Variants in LIMCH1 observed in about 807,000 individuals in gnomAD.
LIMCH1 encodes the protein LIM and calponin homology domains-containing protein 1.
A neutral mutation model predicts 176.5 loss-of-function variants in LIMCH1; 113 were observed. The ratio of observed to expected loss-of-function variants is 0.64; its 90% CI spans 0.55 to 0.75. The LOEUF is 0.75. Among genes scored for constraint, LIMCH1 ranks in the 30% least tolerant of loss-of-function variants. LIMCH1 has a pLI of 0.00. For synonymous variants in LIMCH1, 619 were observed against 645.9 expected, an observed-to-expected ratio of 0.96 and a Z score of 0.63; for missense variants, 1,674 against 1,814.9, an observed-to-expected ratio of 0.92 and a Z score of 1.41.
chr4:41,414,733 A>T (rs944562354), intron 1 of LIMCH1, among the ~76,000 whole-genome samples: 33 of 152,346 alleles, frequency 2.2e-4, no homozygotes, highest in Middle Eastern at 3.4e-3. Context: ...GTCACCCATG[A>T]TGATAAGGTT....
chr4:41,398,396 G>A (rs529606400), intron 1 of LIMCH1, among the ~76,000 whole-genome samples: 73 of 151,994 alleles, frequency 4.8e-4, no homozygotes, highest in African/African-American at 1.7e-3. Flanking sequence ...GTACTTTTCC[G>A]TCATCCAACT....
upstream of LIMCH1, among the ~76,000 whole-genome samples, chr4:41,533,985 G>T (rs1423583128): frequency 6.6e-6 from 1 of 152,204 alleles, no homozygotes; most frequent in Non-Finnish European, 1.5e-5. Flanking sequence ...ACCAGGAATA[G>T]TAAGCTGAGA....
At chr4:41,593,209 G>T (rs547818283) in intron 1 of LIMCH1, among the ~76,000 whole-genome samples, 1 of 152,318 alleles carries the variant, frequency 6.6e-6, no homozygotes, top group South Asian at 2.1e-4. Flanking sequence ...CACAGGGCAA[G>T]CCCACAAATC....
intron 1 of LIMCH1, among the ~76,000 whole-genome samples, chr4:41,419,752 T>C (rs1411138631): frequency 1.3e-5 from 2 of 148,648 alleles, no homozygotes; most frequent in African/African-American, 5.0e-5. Flanking sequence ...CCTTCTTTTC[T>C]TCCTTCCTGC....
chr4:41,403,816 T>C (rs1176089622), intron 1 of LIMCH1, among the ~76,000 whole-genome samples: 2 of 152,216 alleles, frequency 1.3e-5, no homozygotes, highest in Admixed American at 1.3e-4. Context: ...TACCATGGAT[T>C]CTATCACATG....
rs78899448 is a variant in LIMCH1, at chr4:41,633,896, C to T, written c.2090+88C>T. On this transcript the variant is annotated intron_variant, in intron 13 of 31. Transcript: ENST00000503057. ...TTAATGCATTATGGCACCTCAGTGC[C>T]GCTTACCTGCTGTTGCTAGCAGAAA... 1.2e-3 allele frequency: 1,655 copies of T among 1,346,088 alleles called. 2 individuals carry two copies. The highest frequency in any genetic ancestry group is 2.6e-3 in the East Asian group (103 of 39,662). The allele number at this position is 1,346,088 out of a possible 1,614,324, so 83.4% of individuals were successfully genotyped here. A position where few individuals can be genotyped will look rare whatever the true frequency, so the allele number is the denominator to read the frequency against.
At chr4:41,362,237 G>C (rs1429217769) in intron 1 of LIMCH1, among the ~76,000 whole-genome samples, 1 of 152,178 alleles carries the variant, frequency 6.6e-6, no homozygotes, top group East Asian at 1.9e-4. Context: ...TTGAAAATAG[G>C]GTTCAAGAAA....
At chr4:41,638,911 A>AT in intron 13 of LIMCH1, 21 bp from the exon 14 acceptor site, 1 of 1,606,888 alleles carries the variant, frequency 6.2e-7, no homozygotes, top group Non-Finnish European at 8.5e-7. Context: ...CAGTCCTCTA[A>AT]TTTTTTATTT....
intron 1 of LIMCH1, among the ~76,000 whole-genome samples, chr4:41,425,186 T>G (rs2060961339): frequency 6.6e-6 from 1 of 152,222 alleles, no homozygotes. Context: ...GGAACAGATG[T>G]AAAAAGTAAT....
rs554667376 is a variant in LIMCH1 at position 41,697,331 on chromosome 4, C to A, written c.*146C>A. On this transcript the variant is annotated 3_prime_UTR_variant, in exon 32 of 32. Coordinates refer to ENST00000503057, the MANE Select transcript of LIMCH1 (RefSeq NM_001330672.2). ...TTCTGAAAGGTGGTATCTGTTCTTT[C>A]GTAGCACAGTGTTTATGTTTTTCCT... The A allele has an allele frequency of 3.0e-6, 2 of 658,620 alleles. No individual in the cohort carries two copies. Among genetic ancestry groups the A allele is most frequent in the East Asian group, 5.3e-5 (2 of 37,460 alleles). 40.8% of individuals were successfully genotyped at this position (658,620 alleles called of 1,614,324 possible).
intron 17 of LIMCH1, among the ~76,000 whole-genome samples, chr4:41,648,103 G>A (rs2094138978): frequency 3.3e-5 from 5 of 152,192 alleles, no homozygotes; most frequent in Admixed American, 3.3e-4. Flanking sequence ...GTCCACCTAA[G>A]TGTTTCAGAA....
At chr4:41,388,500 G>T (rs1277791936) in intron 1 of LIMCH1, among the ~76,000 whole-genome samples, 1 of 152,254 alleles carries the variant, frequency 6.6e-6, no homozygotes, top group Non-Finnish European at 1.5e-5. Flanking sequence ...CTGCTCATGG[G>T]CAGGAGGAAT....
At chr4:41,419,604 G>GTCCT (rs771746018) in intron 1 of LIMCH1, among the ~76,000 whole-genome samples, 3,282 of 47,098 alleles carry the variant, frequency 0.07, 144 homozygotes, top group Non-Finnish European at 0.1. Flanking sequence ...CCTTCCTTCC[G>GTCCT]TCCTTCCTTC....
At chr4:41,494,433 TTA>T in intron 1 of LIMCH1, 1 of 721,052 alleles carries the variant, frequency 1.4e-6, no homozygotes, top group Admixed American at 2.4e-5. Flanking sequence ...ACATACATAG[TTA>T]TATATATGTA....
intron 1 of LIMCH1, among the ~76,000 whole-genome samples, chr4:41,542,970 G>A (rs905178846): frequency 6.6e-6 from 1 of 152,186 alleles, no homozygotes; most frequent in African/African-American, 2.4e-5. Context: ...AATGGCCAAA[G>A]GAACTGTTCA....
At chr4:41,633,116 G>C (rs936527775) in intron 12 of LIMCH1, 31 bp downstream of exon 12, 2 of 1,447,250 alleles carry the variant, frequency 1.4e-6, no homozygotes, top group Admixed American at 3.9e-5. Context: ...CTGCTCCGTG[G>C]TGTGTTGCCC....
At chr4:41,585,254 T>C (rs948455325) in intron 1 of LIMCH1, among the ~76,000 whole-genome samples, 8 of 152,254 alleles carry the variant, frequency 5.3e-5, no homozygotes, top group Non-Finnish European at 1.0e-4. Flanking sequence ...TCTGTCTCTA[T>C]GAATTTGACT....
At chr4:41,399,825 C>T (rs1366161186) in intron 1 of LIMCH1, among the ~76,000 whole-genome samples, 1 of 147,226 alleles carries the variant, frequency 6.8e-6, no homozygotes, top group African/African-American at 2.6e-5. Flanking sequence ...GGGAGTGTGC[C>T]ACCATGCCCG....
intron 4 of LIMCH1, among the ~76,000 whole-genome samples, chr4:41,607,913 A>T (rs1304702530): frequency 6.6e-6 from 1 of 152,234 alleles, no homozygotes; most frequent in Admixed American, 6.5e-5. Flanking sequence ...TCACTGGACT[A>T]TCTGAGCACC....
Sources: allele counts gnomAD v4.1 joint callset (sites outside exome capture counted in the v4.1 genomes callset), GRCh38; gene constraint gnomAD v4.1.1; transcripts MANE v1.5; gene names NCBI Gene and HGNC (gene_info 2026-07-23, HGNC 2026-07-21).